P2RX7: variants seen among roughly 807,000 people sequenced by gnomAD.
P2RX7 encodes the protein P2X purinoceptor 7.
In P2RX7, 62 loss-of-function variants were observed where a neutral mutation model predicts 71.6. That is an observed-to-expected ratio of 0.87 (90% CI 0.71 to 1.07). The LOEUF is 1.07. Among genes scored for constraint, P2RX7 ranks in the 50% least tolerant of loss-of-function variants. The pLI, the probability that P2RX7 is intolerant of heterozygous loss-of-function variation, is 0.00. For synonymous variants in P2RX7, 299 were observed against 283.3 expected, an observed-to-expected ratio of 1.06 and a Z score of -0.56; for missense variants, 686 against 748.5, an observed-to-expected ratio of 0.92 and a Z score of 0.97.
At chr12:121,139,990 C>T (rs1290686925) in intron 1 of P2RX7, among the ~76,000 whole-genome samples, 1 of 152,154 alleles carries the variant, frequency 6.6e-6, no homozygotes, top group African/African-American at 2.4e-5. Context: ...TCTTGGCTTC[C>T]CAAAATGCTG....
chr12:121,161,119 C>T, intron 4 of P2RX7, 145 bp downstream of exon 4: 4 of 722,534 alleles, frequency 5.5e-6, no homozygotes, highest in Admixed American at 1.9e-5. Flanking sequence ...TCTGCCCATG[C>T]TTCGGCTCTG....
chr12:121,171,003 C>T (rs746117005), intron 8 of P2RX7, among the ~76,000 whole-genome samples: 2 of 152,034 alleles, frequency 1.3e-5, no homozygotes, highest in African/African-American at 2.4e-5. Context: ...TAGGTGATTC[C>T]GCTTATGCAC....
chr12:121,143,369 G>A (rs1875424373), intron 1 of P2RX7, among the ~76,000 whole-genome samples: 1 of 152,044 alleles, frequency 6.6e-6, no homozygotes, highest in South Asian at 2.1e-4. Context: ...ACTCCAGCCT[G>A]GACGACAGAG....
rs1476999625 is a variant in P2RX7 at position 121,184,699 on chromosome 12, A to G, written c.1685A>G (p.Asp562Gly). ...CYATWRFGSQDMADFAILPSC... is the reference protein window; with the variant it reads ...CYATWRFGSQGMADFAILPSC... ...GCCACCTGGCGCTTCGGCTCCCAGG[A>G]CATGGCTGACTTTGCCATCCTGCCC... The change falls in exon 13 of 13, where the codon GAC (aspartate) becomes GGC (glycine). Residue 562 changes from aspartate (D) to glycine (G), a missense_variant. By Grantham distance (94) the Asp-to-Gly change is moderately conservative. Coordinates refer to ENST00000328963, the MANE Select transcript of P2RX7 (RefSeq NM_002562.6). 2 of 1,568,804 alleles carry G rather than the reference A, an allele frequency of 1.3e-6. No individual in the cohort carries two copies. The highest frequency in any genetic ancestry group is 3.8e-5 in the Admixed American group (2 of 53,082).
Position 121,162,594 on chromosome 12 carries a change from C to G in P2RX7, c.533+74C>G, listed in dbSNP as rs1018488177. 29 of 1,553,348 alleles carry G rather than the reference C, an allele frequency of 1.9e-5. No homozygotes were observed. In the African/African-American group the frequency reaches 3.8e-4, roughly 20 times the overall value. ...TGAGGCCTTGCCGAGGCTGCTTGGG[C>G]CTTCCCCTCTCAGCACAGCCCTGCA... On this transcript the variant is annotated intron_variant, in intron 5 of 12. Coordinates refer to ENST00000328963, the MANE Select transcript of P2RX7 (RefSeq NM_002562.6).
chr12:121,178,791 CAAAAAAAAAA>C (rs386377968), intron 11 of P2RX7, among the ~76,000 whole-genome samples: 1 of 66,522 alleles, frequency 1.5e-5, no homozygotes, highest in South Asian at 5.6e-4. Flanking sequence ...AACTCTGTCT[CAAAAAAAAAA>C]AAAAAAAAAA....
chr12:121,144,785 G>A (rs1875777512), intron 1 of P2RX7, among the ~76,000 whole-genome samples: 1 of 152,168 alleles, frequency 6.6e-6, no homozygotes, highest in African/African-American at 2.4e-5. Context: ...AGCATATTAG[G>A]AAGTGAAACA....
At chr12:121,184,220 C>T (rs1626329) in intron 12 of P2RX7, 85 bp from the exon 13 acceptor site, 549,772 of 1,434,992 alleles carry the variant, frequency 0.38, 107,755 homozygotes, top group African/African-American at 0.43. Flanking sequence ...TAATATTAAA[C>T]GTAACTTTAT....
chr12:121,137,494 C>A (rs973939037), intron 1 of P2RX7, among the ~76,000 whole-genome samples: 12 of 152,160 alleles, frequency 7.9e-5, no homozygotes, highest in Non-Finnish European at 1.5e-4. Flanking sequence ...TAGAAGATAA[C>A]CTTCATATAA....
chr12:121,174,725 T>C (rs1449951109), intron 8 of P2RX7, among the ~76,000 whole-genome samples: 2 of 152,170 alleles, frequency 1.3e-5, no homozygotes, highest in African/African-American at 4.8e-5. Flanking sequence ...CCTTAAGGAA[T>C]AGTCATATTG....
intron 1 of P2RX7, among the ~76,000 whole-genome samples, chr12:121,134,595 T>C (rs1389061940): frequency 1.3e-5 from 2 of 152,228 alleles, no homozygotes; most frequent in Non-Finnish European, 2.9e-5. Flanking sequence ...TTTCGCCATG[T>C]AGGCCAGGCT....
chr12:121,133,449 C>G (rs1442999442), intron 1 of P2RX7, among the ~76,000 whole-genome samples: 1 of 152,234 alleles, frequency 6.6e-6, no homozygotes, highest in Admixed American at 6.5e-5. Context: ...ATGCTGGCAT[C>G]TGAGTCACCA....
At chr12:121,182,027 G>A (rs1884223353) in intron 12 of P2RX7, among the ~76,000 whole-genome samples, 1 of 148,308 alleles carries the variant, frequency 6.7e-6, no homozygotes, top group Non-Finnish European at 1.5e-5. Context: ...TCACACCTCT[G>A]CACTCTAGCC....
chr12:121,164,462 G>A (rs889539412), intron 5 of P2RX7, among the ~76,000 whole-genome samples: 2 of 152,158 alleles, frequency 1.3e-5, no homozygotes, highest in Non-Finnish European at 2.9e-5. Flanking sequence ...ATGCCACTGG[G>A]TCTTGTGTTA....
chr12:121,177,206 C>G lies in P2RX7; in HGVS notation c.1032C>G (p.Phe344Leu). 2.5e-6 allele frequency: 4 copies of G among 1,614,148 alleles called. No homozygotes were observed. The highest frequency in any genetic ancestry group is 2.5e-6 in the Non-Finnish European group (3 of 1,179,976). ...VVYIGSTLSYFGLAAVFIDFL... is the reference protein window; with the variant it reads ...VVYIGSTLSYLGLAAVFIDFL... The stretch of plus-strand genomic sequence containing the variant: ...ACATCGGCTCAACCCTCTCCTACTT[C>G]GGTCTGGTAAGAGATTCTCTTTTCC... The change falls in exon 10 of 13, where the codon TTC becomes TTG. Residue 344 changes from phenylalanine to leucine, a missense_variant. Coordinates refer to ENST00000328963, the MANE Select transcript of P2RX7 (RefSeq NM_002562.6).
At chr12:121,172,284 A>G (rs1462356485) in intron 8 of P2RX7, among the ~76,000 whole-genome samples, 1 of 152,146 alleles carries the variant, frequency 6.6e-6, no homozygotes, top group Non-Finnish European at 1.5e-5. Context: ...ATAGGGAGAT[A>G]ATGCCAATCC....
At chr12:121,168,288 T>TCTTTTC (rs1881531954) in intron 8 of P2RX7, among the ~76,000 whole-genome samples, 1 of 151,908 alleles carries the variant, frequency 6.6e-6, no homozygotes, top group African/African-American at 2.4e-5. Flanking sequence ...TTCTTTTTTT[T>TCTTTTC]TTTTAGATGG....
intron 1 of P2RX7, among the ~76,000 whole-genome samples, chr12:121,143,094 A>T (rs1875335176): frequency 6.7e-6 from 1 of 150,220 alleles, no homozygotes; most frequent in African/African-American, 2.5e-5. Context: ...AAAAAAAAAA[A>T]AGATGACTGG....
At chr12:121,142,709 A>C (rs373950861) in intron 1 of P2RX7, among the ~76,000 whole-genome samples, 5 of 152,096 alleles carry the variant, frequency 3.3e-5, no homozygotes, top group Admixed American at 6.5e-5. Flanking sequence ...GTGTGTGTCA[A>C]ATCTCCTTCT....
Sources: gnomAD v4.1 joint callset for allele counts (sites outside exome capture counted in the v4.1 genomes callset) on GRCh38, gnomAD v4.1.1 for gene constraint, MANE v1.5 for transcripts, NCBI Gene and HGNC (gene_info 2026-07-23, HGNC 2026-07-21) for gene names.